Variants in POLN observed in about 807,000 individuals in gnomAD.
The protein encoded by POLN is DNA polymerase N.
POLN carries 108 observed loss-of-function variants against 113.5 expected under a neutral mutation model. The ratio of observed to expected loss-of-function variants is 0.95; its 90% confidence interval spans 0.81 to 1.12. POLN has a LOEUF of 1.12. Among genes scored for constraint, POLN ranks in the 50% most tolerant of loss-of-function variants. POLN has a pLI of 0.00. For synonymous variants in POLN, 386 were observed against 391.5 expected (o/e 0.99, Z 0.17); for missense variants, 1,097 against 1,077.1 (o/e 1.02, Z -0.26).
At chr4:2,208,816 T>C (rs139922282) in intron 4 of POLN, among the ~76,000 whole-genome samples, 46 of 152,180 alleles carry the variant, frequency 3.0e-4, no homozygotes, top group African/African-American at 9.9e-4. Context: ...ATGGTGAAAC[T>C]TCATCTTACT....
At chr4:2,090,383 C>A in intron 20 of POLN, 1 of 663,304 alleles carries the variant, frequency 1.5e-6, no homozygotes. Context: ...TAAAAACGAG[C>A]TTGATTAAAT....
chr4:2,194,424 G>C (rs1733525840), intron 6 of POLN, among the ~76,000 whole-genome samples: 1 of 152,182 alleles, frequency 6.6e-6, no homozygotes, highest in Non-Finnish European at 1.5e-5. Flanking sequence ...TTTGCACTTT[G>C]TGTGATTTCA....
At chr4:2,091,970 G>A (rs954529860) in intron 20 of POLN, among the ~76,000 whole-genome samples, 1 of 152,140 alleles carries the variant, frequency 6.6e-6, no homozygotes, top group Non-Finnish European at 1.5e-5. Flanking sequence ...ACATGGGCTG[G>A]TCTAGCTGGA....
At chr4:2,141,578 C>T (rs34174744) in intron 16 of POLN, among the ~76,000 whole-genome samples, 10 of 152,338 alleles carry the variant, frequency 6.6e-5, no homozygotes, top group Non-Finnish European at 1.2e-4. Context: ...GCACGGCCAG[C>T]ATCTGGCATA....
intron 16 of POLN, among the ~76,000 whole-genome samples, chr4:2,148,669 C>CGG (rs879880773): frequency 1.1e-4 from 5 of 45,180 alleles, no homozygotes; most frequent in South Asian, 9.0e-4. Flanking sequence ...TCTGTCCCCC[C>CGG]CCCAAAAAAA....
chr4:2,151,835 G>T (rs558409921), intron 16 of POLN, among the ~76,000 whole-genome samples: 18 of 152,248 alleles, frequency 1.2e-4, no homozygotes, highest in Non-Finnish European at 2.4e-4. Context: ...GGAGTGGGGA[G>T]GGAGATATTA....
At chr4:2,150,359 G>A (rs1732261670) in intron 16 of POLN, among the ~76,000 whole-genome samples, 1 of 151,862 alleles carries the variant, frequency 6.6e-6, no homozygotes, top group South Asian at 2.1e-4. Flanking sequence ...AACAATACCA[G>A]GGATAAAAAA....
At chr4:2,155,911 T>C (rs765808291) in intron 16 of POLN, among the ~76,000 whole-genome samples, 10 of 152,116 alleles carry the variant, frequency 6.6e-5, no homozygotes, top group Non-Finnish European at 1.5e-4. Context: ...CTCGGCTCAC[T>C]GCAAGCTCCG....
intron 16 of POLN, among the ~76,000 whole-genome samples, chr4:2,138,513 C>T (rs1731915276): frequency 1.3e-5 from 2 of 152,130 alleles, no homozygotes; most frequent in Admixed American, 6.5e-5. Context: ...GTGCCCAGCC[C>T]GGACCCCTGG....
intron 16 of POLN, among the ~76,000 whole-genome samples, chr4:2,137,211 G>A (rs1174220469): frequency 2.0e-5 from 3 of 152,240 alleles, no homozygotes; most frequent in African/African-American, 7.2e-5. Flanking sequence ...TCATGGATGA[G>A]AAAAGTGAGG....
intron 4 of POLN, among the ~76,000 whole-genome samples, chr4:2,210,616 A>AATC (rs1733966371): frequency 7.3e-6 from 1 of 136,800 alleles, no homozygotes; most frequent in Non-Finnish European, 1.5e-5. Flanking sequence ...TAATAATAAT[A>AATC]ATAATAATAA....
intron 3 of POLN, among the ~76,000 whole-genome samples, chr4:2,221,784 A>G (rs1034687594): frequency 2.6e-5 from 4 of 152,100 alleles, no homozygotes; most frequent in Non-Finnish European, 4.4e-5. Flanking sequence ...CACGTTGGCC[A>G]GTCTGGTCTT....
intron 16 of POLN, among the ~76,000 whole-genome samples, chr4:2,147,369 C>G (rs561672618): frequency 6.6e-6 from 1 of 152,106 alleles, no homozygotes; most frequent in Non-Finnish European, 1.5e-5. Context: ...CATGAGGAGG[C>G]CTTCGTAAAA....
At chr4:2,125,041 G>A (rs1338117672) in intron 19 of POLN, among the ~76,000 whole-genome samples, 1 of 152,184 alleles carries the variant, frequency 6.6e-6, no homozygotes, top group East Asian at 1.9e-4. Context: ...GTTATATTTA[G>A]GGCAATCCTA....
At chr4:2,075,575 C>A in intron 23 of POLN, 56 bp from the exon 24 acceptor site, 1 of 1,588,130 alleles carries the variant, frequency 6.3e-7, no homozygotes, top group Non-Finnish European at 8.6e-7. Context: ...GCGTGGGCCA[C>A]CAGCCTGGCA....
chr4:2,232,602 A>G (rs1026725855), intron 2 of POLN, among the ~76,000 whole-genome samples: 2 of 152,200 alleles, frequency 1.3e-5, no homozygotes. Flanking sequence ...ATGAAGACCA[A>G]TAAAAGAGAA....
intron 3 of POLN, among the ~76,000 whole-genome samples, chr4:2,224,340 T>C (rs1311722467): frequency 6.6e-6 from 1 of 152,230 alleles, no homozygotes; most frequent in Non-Finnish European, 1.5e-5. Context: ...TTCTTCTGGA[T>C]ACCTCCTGAA....
intron 16 of POLN, among the ~76,000 whole-genome samples, chr4:2,135,863 G>A (rs975921448): frequency 5.9e-5 from 9 of 152,236 alleles, no homozygotes; most frequent in Non-Finnish European, 1.3e-4. Flanking sequence ...GGAACCGTTC[G>A]TGGAAGAAGA....
At chr4:2,081,915 G>A (rs1184166283) in intron 21 of POLN, among the ~76,000 whole-genome samples, 172 bp from the exon 22 acceptor site, 4 of 151,372 alleles carry the variant, frequency 2.6e-5, no homozygotes, top group African/African-American at 9.8e-5. Context: ...CCCTGCAGTG[G>A]GAAAGCGAGG....
Sources: allele counts gnomAD v4.1 joint callset (sites outside exome capture counted in the v4.1 genomes callset), GRCh38; gene constraint gnomAD v4.1.1; transcripts MANE v1.5; gene names NCBI Gene and HGNC (gene_info 2026-07-23, HGNC 2026-07-21).